Variants in ADCY9 observed in about 807,000 individuals in gnomAD.
ADCY9 encodes adenylate cyclase 9.
Under a neutral mutation model 101.5 loss-of-function variants are expected in ADCY9, and 50 were observed. The observed-to-expected ratio is 0.49, with a 90% CI of 0.39 to 0.62. ADCY9 has a LOEUF of 0.62. Among genes scored for constraint, ADCY9 ranks in the 20% least tolerant of loss-of-function variants. ADCY9 has a pLI of 0.00. For missense variants in ADCY9, 1,662 were observed against 1,800.4 expected, an observed-to-expected ratio of 0.92 and a Z score of 1.39; for synonymous variants, 905 against 769.3, an observed-to-expected ratio of 1.18 and a Z score of -2.92.
chr16:3,972,727 G>A (rs1028119011), intron 10 of ADCY9, among the ~76,000 whole-genome samples: 1 of 152,156 alleles, frequency 6.6e-6, no homozygotes, highest in African/African-American at 2.4e-5. Context: ...ATATTTCAGT[G>A]CCATTTAAAA....
At chr16:4,024,536 A>G (rs1222129966) in intron 2 of ADCY9, among the ~76,000 whole-genome samples, 1 of 152,114 alleles carries the variant, frequency 6.6e-6, no homozygotes, top group Non-Finnish European at 1.5e-5. Flanking sequence ...TTTATGTTCC[A>G]GGATCCCATC....
chr16:4,019,146 T>TA (rs1212710248), intron 2 of ADCY9, among the ~76,000 whole-genome samples: 46 of 151,802 alleles, frequency 3.0e-4, no homozygotes, highest in African/African-American at 1.0e-3. Context: ...CACCTTCTTT[T>TA]AAAAAAAAAT....
In ADCY9 at chr16:3,966,819, G is replaced by A. The variant is rs2056002057; in HGVS notation, c.3018C>T (p.Leu1006=). 6.2e-7 allele frequency: 1 copy of A among 1,614,222 alleles called. No homozygotes were observed. Among genetic ancestry groups the A allele is most frequent in the Middle Eastern group, 1.6e-4 (1 of 6,062 alleles). Residue 1006 remains leucine (L), a synonymous_variant, in exon 11 of 11, where the codon CTC becomes CTT. Transcript: ENST00000294016. ...LNREFEVSYR[L]HYHGDVEADL... is the part of the protein sequence containing the mutation. Reference sequence around the variant, plus strand: ...CCGCTTCCACGTCTCCGTGGTAGTGGAGGCGGTAGCTGACTTCAAATTCGC... The same window carrying A: ...CCGCTTCCACGTCTCCGTGGTAGTGAAGGCGGTAGCTGACTTCAAATTCGC...
intron 2 of ADCY9, among the ~76,000 whole-genome samples, chr16:4,014,915 G>C (rs2056427880): frequency 6.8e-6 from 1 of 145,998 alleles, no homozygotes; most frequent in South Asian, 2.2e-4. Context: ...CATCCCCTGA[G>C]TGACCACATT....
At chr16:4,014,867 C>A (rs1254887262) in intron 2 of ADCY9, among the ~76,000 whole-genome samples, 7 of 151,614 alleles carry the variant, frequency 4.6e-5, no homozygotes, top group African/African-American at 1.7e-4. Flanking sequence ...CCAGTAATGG[C>A]TAAACAGCTG....
chr16:3,993,984 C>A (rs2056268034), intron 3 of ADCY9, among the ~76,000 whole-genome samples: 1 of 151,928 alleles, frequency 6.6e-6, no homozygotes, highest in Non-Finnish European at 1.5e-5. Context: ...GGACCGGGGG[C>A]AGGAAGGGGG....
intron 7 of ADCY9, chr16:3,983,027 A>C: frequency 3.4e-6 from 2 of 593,540 alleles, no homozygotes; most frequent in Non-Finnish European, 5.9e-6. Flanking sequence ...CCCTCCAGCG[A>C]GGTGGTCCCC....
At chr16:4,067,634 G>A (rs2056808417) in intron 2 of ADCY9, among the ~76,000 whole-genome samples, 1 of 152,112 alleles carries the variant, frequency 6.6e-6, no homozygotes, top group South Asian at 2.1e-4. Context: ...GTATTTTATG[G>A]TCTGTCCTAA....
chr16:4,080,775 A>C (rs2056896965), intron 2 of ADCY9, among the ~76,000 whole-genome samples: 2 of 151,368 alleles, frequency 1.3e-5, no homozygotes, highest in African/African-American at 4.9e-5. Flanking sequence ...CCACATGGCA[A>C]CCAAGGTCCC....
intron 6 of ADCY9, 166 bp from the exon 7 acceptor site, chr16:3,983,606 C>A (rs1310985413): frequency 3.2e-6 from 2 of 630,366 alleles, no homozygotes; most frequent in Non-Finnish European, 5.6e-6. Flanking sequence ...CCATTTAACA[C>A]TGGGGAGTCC....
intron 5 of ADCY9, among the ~76,000 whole-genome samples, chr16:3,990,304 A>G (rs1230274505): frequency 6.6e-6 from 1 of 152,052 alleles, no homozygotes; most frequent in Non-Finnish European, 1.5e-5. Context: ...CGTTTCTACA[A>G]AAAATACAAA....
intron 2 of ADCY9, among the ~76,000 whole-genome samples, chr16:4,078,858 C>T (rs2056884721): frequency 6.6e-6 from 1 of 152,026 alleles, no homozygotes; most frequent in South Asian, 2.1e-4. Flanking sequence ...AAAAGACAAC[C>T]AATTCACAAG....
At chr16:4,051,278 C>T (rs951906867) in intron 2 of ADCY9, among the ~76,000 whole-genome samples, 3 of 151,966 alleles carry the variant, frequency 2.0e-5, no homozygotes, top group African/African-American at 7.3e-5. Context: ...GTAATCCCAA[C>T]ACTTTGGGAG....
intron 6 of ADCY9, among the ~76,000 whole-genome samples, chr16:3,988,108 C>T (rs973784134): frequency 2.6e-5 from 4 of 151,686 alleles, no homozygotes; most frequent in African/African-American, 7.3e-5. Context: ...GGGAGGAACA[C>T]GAATCCAGAA....
rs753858086 is a variant in ADCY9 at position 4,114,944 on chromosome 16, G to C, written c.499C>G (p.Leu167Val). 5 of 1,613,984 alleles carry C rather than the reference G, an allele frequency of 3.1e-6. No homozygotes were observed. Among genetic ancestry groups the C allele is most frequent in the Non-Finnish European group, 4.2e-6 (5 of 1,180,038 alleles). Residue 167 changes from leucine (L) to valine (V), a missense_variant, in exon 2 of 11, where the codon CTG becomes GTG. Transcript: ENST00000294016. The surrounding 1 kb of genome is among the most constrained non-coding windows in gnomAD (Gnocchi z 4.3). The stretch of plus-strand genomic sequence containing the variant: ...GTCCACGCGTAATGCCGGGCGTACA[G>C]CTTGGTGAAGGTAAACAGAAAGAAG... The part of the protein sequence containing the change: ...VGFFLFTFTK[L>V]YARHYAWTSL...
At chr16:4,083,782 T>C (rs2056920065) in intron 2 of ADCY9, among the ~76,000 whole-genome samples, 1 of 152,204 alleles carries the variant, frequency 6.6e-6, no homozygotes, top group Admixed American at 6.5e-5. Flanking sequence ...TGTGATTCCA[T>C]TTTTATGAAA....
chr16:3,993,426 C>A lies in ADCY9; in HGVS notation c.1969G>T (p.Glu657Ter). Residue 657 changes from glutamate (E) to a stop codon, truncating the protein, a stop_gained, in exon 4 of 11, where the codon GAG (glutamate) becomes TAG (stop). Coordinates refer to ENST00000294016, the MANE Select transcript of ADCY9 (RefSeq NM_001116.4). LOFTEE classifies it high-confidence loss of function. ...GGAPQNGCQD[E>*]HKNSTKASGG... ...GTTACCTTGGTGCTGTTTTTATGCTCGTCTTGGCAGCCGTTTTGAGGTGCT... is the reference window on the plus strand; with the variant it reads ...GTTACCTTGGTGCTGTTTTTATGCTAGTCTTGGCAGCCGTTTTGAGGTGCT... 6.2e-7 allele frequency: 1 copy of A among 1,614,138 alleles called. No individual in the cohort carries two copies. Among genetic ancestry groups the A allele is most frequent in the Non-Finnish European group, 8.5e-7 (1 of 1,179,982 alleles).
intron 2 of ADCY9, among the ~76,000 whole-genome samples, chr16:4,038,191 G>C (rs1326505508): frequency 6.6e-6 from 1 of 151,892 alleles, no homozygotes; most frequent in Admixed American, 6.6e-5. Flanking sequence ...TGAGGTGGGG[G>C]GATCGCCTGA....
At chr16:4,112,111 A>T (rs2057117480) in intron 2 of ADCY9, among the ~76,000 whole-genome samples, 1 of 152,206 alleles carries the variant, frequency 6.6e-6, no homozygotes, top group African/African-American at 2.4e-5. Context: ...CCAAGGACAG[A>T]GCTCACAACA....
Sources: gnomAD v4.1 joint callset for allele counts (sites outside exome capture counted in the v4.1 genomes callset) on GRCh38, gnomAD v4.1.1 for gene constraint, Gnocchi (gnomAD v3.1) non-coding constraint, MANE v1.5 for transcripts, NCBI Gene and HGNC (gene_info 2026-07-23, HGNC 2026-07-21) for gene names.